Variants in SAXO1 observed in about 807,000 individuals in gnomAD.
SAXO1 encodes the protein 4930500O09Rik.
In SAXO1, 21 loss-of-function variants were observed where a neutral mutation model predicts 17.5. That is an observed-to-expected ratio of 1.20 (90% CI 0.85 to 1.72). SAXO1 has a LOEUF of 1.72. SAXO1 is among the 40% of genes most tolerant of loss of function. The pLI is 0.00. For synonymous variants in SAXO1, 274 were observed against 216.5 expected, an observed-to-expected ratio of 1.27 and a Z score of -2.33; for missense variants, 843 against 596.0, an observed-to-expected ratio of 1.41 and a Z score of -4.32.
chr9:19,029,143 T>C (rs1308046685), intron 1 of SAXO1, among the ~76,000 whole-genome samples: 2 of 152,148 alleles, frequency 1.3e-5, no homozygotes, highest in Non-Finnish European at 2.9e-5. Context: ...CACCTTTTTA[T>C]CCAGGCCTCT....
intron 1 of SAXO1, among the ~76,000 whole-genome samples, chr9:19,042,558 G>GA (rs1836102319): frequency 6.6e-6 from 1 of 152,234 alleles, no homozygotes; most frequent in Non-Finnish European, 1.5e-5. Flanking sequence ...TCTATTAACA[G>GA]ATAAATAGAT....
intron 1 of SAXO1, among the ~76,000 whole-genome samples, chr9:18,958,552 G>T (rs976299407): frequency 6.6e-6 from 1 of 151,928 alleles, no homozygotes; most frequent in South Asian, 2.1e-4. Context: ...ATGGTTATTT[G>T]GTACGCATAT....
At chr9:19,020,023 A>AG (rs61433317) in intron 1 of SAXO1, among the ~76,000 whole-genome samples, 1 of 34,880 alleles carries the variant, frequency 2.9e-5, no homozygotes, top group Non-Finnish European at 8.6e-5. Context: ...AGGTATTATT[A>AG]AAAAAAAAAA....
At chr9:18,942,986 C>T (rs1272937237) in intron 2 of SAXO1, among the ~76,000 whole-genome samples, 4 of 152,322 alleles carry the variant, frequency 2.6e-5, no homozygotes, top group Middle Eastern at 3.4e-3. Context: ...GACAGGAAAA[C>T]GTTAGGCCCA....
At position 18,997,729 on chromosome 9, in the gene SAXO1, C is replaced by T. The variant is rs141730617; in HGVS notation, c.38+35142G>A. ...TCCCAGTAGGGGCTGACAGATACTT[C>T]ATACAGGTGGGTGCCGATCAAGGAT... On this transcript the variant is annotated intron_variant, in intron 1 of 3. Transcript: ENST00000380534. 3.0e-3 allele frequency among the ~76,000 whole-genome samples: 460 copies of T among 152,276 alleles called. 8 individuals carry two copies. The South Asian group carries it at 0.044, about 15-fold the overall frequency.
chr9:18,934,584 T>C (rs927347886), intron 3 of SAXO1, among the ~76,000 whole-genome samples: 4 of 152,248 alleles, frequency 2.6e-5, no homozygotes, highest in Non-Finnish European at 4.4e-5. Context: ...TCTTTAAATA[T>C]GCTTTCCTGT....
intron 1 of SAXO1, among the ~76,000 whole-genome samples, chr9:18,997,902 C>G (rs1038519099): frequency 2.6e-5 from 4 of 152,174 alleles, no homozygotes; most frequent in African/African-American, 9.7e-5. Flanking sequence ...GGAAAACCAA[C>G]AGAAAGGAAT....
chr9:18,997,286 C>T (rs1233511358), intron 1 of SAXO1, among the ~76,000 whole-genome samples: 1 of 152,268 alleles, frequency 6.6e-6, no homozygotes, highest in East Asian at 1.9e-4. Flanking sequence ...CAGACCAGGA[C>T]ATTCCCTCCT....
chr9:18,990,080 A>G (rs967631195), intron 1 of SAXO1, among the ~76,000 whole-genome samples: 2 of 152,140 alleles, frequency 1.3e-5, no homozygotes, highest in African/African-American at 4.8e-5. Flanking sequence ...AACTGGCCCA[A>G]TGCCACATAG....
chr9:18,960,132 G>T (rs935578966), intron 1 of SAXO1, among the ~76,000 whole-genome samples: 3 of 152,156 alleles, frequency 2.0e-5, no homozygotes, highest in African/African-American at 7.2e-5. Context: ...CCTTGGCAAT[G>T]AAAAGGAAAA....
chr9:18,955,195 T>G (rs1407267151), intron 1 of SAXO1, among the ~76,000 whole-genome samples: 1 of 152,064 alleles, frequency 6.6e-6, no homozygotes, highest in South Asian at 2.1e-4. Flanking sequence ...TGATGTAGTA[T>G]CTCTAAAAAA....
At chr9:18,964,765 T>C (rs1832646585) in intron 1 of SAXO1, among the ~76,000 whole-genome samples, 8 of 152,144 alleles carry the variant, frequency 5.3e-5, no homozygotes, top group Admixed American at 5.2e-4. Flanking sequence ...CTCAATTCTG[T>C]TCTGATCTTA....
chr9:19,000,731 G>A (rs1265178922), intron 1 of SAXO1, among the ~76,000 whole-genome samples: 1 of 152,058 alleles, frequency 6.6e-6, no homozygotes, highest in Non-Finnish European at 1.5e-5. Flanking sequence ...AAAATTAAAG[G>A]AATGGAGGAA....
At chr9:19,032,024 A>T (rs191989254) in intron 1 of SAXO1, among the ~76,000 whole-genome samples, 1 of 152,296 alleles carries the variant, frequency 6.6e-6, no homozygotes, top group East Asian at 1.9e-4. Context: ...TAACTCTTAC[A>T]ATAGTCCTAT....
At chr9:19,014,120 G>A (rs1367816022) in intron 1 of SAXO1, among the ~76,000 whole-genome samples, 1 of 152,178 alleles carries the variant, frequency 6.6e-6, no homozygotes, top group East Asian at 1.9e-4. Context: ...GCTTGATTAA[G>A]GGTAGAATTT....
chr9:18,961,761 A>C (rs1322526381), intron 1 of SAXO1, among the ~76,000 whole-genome samples: 3 of 152,112 alleles, frequency 2.0e-5, no homozygotes, highest in Non-Finnish European at 4.4e-5. Context: ...GGTGGGTTCC[A>C]AGTCTTTGCT....
intron 1 of SAXO1, among the ~76,000 whole-genome samples, chr9:18,968,836 C>T (rs530037514): frequency 3.9e-5 from 6 of 152,264 alleles, no homozygotes; most frequent in African/African-American, 1.4e-4. Context: ...TCAGGTAATC[C>T]ACCCACCTCA....
chr9:18,951,999 T>C (rs760575582), intron 1 of SAXO1, among the ~76,000 whole-genome samples: 3 of 152,214 alleles, frequency 2.0e-5, no homozygotes, highest in Admixed American at 6.5e-5. Context: ...AAATGATAAA[T>C]AGTATTTAGC....
In SAXO1 at chr9:18,928,704, A is replaced by G; in HGVS notation, c.773T>C (p.Leu258Pro). 6.2e-7 allele frequency: 1 copy of G among 1,614,152 alleles called. No individual in the cohort carries two copies. Among genetic ancestry groups the G allele is most frequent in the Non-Finnish European group, 8.5e-7 (1 of 1,180,022 alleles). Residue 258 changes from leucine (L) to proline (P), a missense_variant, in exon 4 of 4, where the codon CTA becomes CCA. By Grantham distance (98) the Leu-to-Pro change is moderately conservative. Coordinates refer to ENST00000380534, the MANE Select transcript of SAXO1 (RefSeq NM_153707.4). ...MGEPAKSLKP[L>P]ARPPGLDMPF... ...CATGTCTAGCCCAGGAGGCCTGGCT[A>G]GAGGTTTCAAGCTCTTGGCAGGCTC...
Sources: allele counts gnomAD v4.1 joint callset (sites outside exome capture counted in the v4.1 genomes callset), GRCh38; gene constraint gnomAD v4.1.1; transcripts MANE v1.5; gene names NCBI Gene and HGNC (gene_info 2026-07-23, HGNC 2026-07-21).